Variants in DHX8 observed in about 807,000 individuals in gnomAD.
DHX8 encodes the protein ATP-dependent RNA helicase DHX8.
Under a neutral mutation model 140.7 loss-of-function variants are expected in DHX8, and 67 were observed. That is an observed-to-expected ratio of 0.48 (90% CI 0.39 to 0.58). DHX8 has a LOEUF of 0.58. Among genes scored for constraint, DHX8 ranks in the 20% least tolerant of loss-of-function variants. The pLI is 0.00. For missense variants in DHX8, 887 were observed against 1,550.7 expected, an observed-to-expected ratio of 0.57 and a Z score of 7.19; for synonymous variants, 533 against 553.2, an observed-to-expected ratio of 0.96 and a Z score of 0.51.
chr17:43,521,426 C>CTG lies in DHX8; in HGVS notation c.3124_3125insTG (p.His1042LeufsTer6). 6.2e-7 allele frequency: 1 copy of CTG among 1,613,896 alleles called. No homozygotes were observed. The highest frequency in any genetic ancestry group is 8.5e-7 in the Non-Finnish European group (1 of 1,179,978). ...CAAATTCCACCAGACTGAAGGGGAC[C>CTG]ACCTCACCCTGCTAGCTGTGTACAA... is the stretch of plus-strand genomic sequence containing the variant. On this transcript the variant is annotated frameshift_variant, in exon 21 of 23. Coordinates refer to ENST00000262415, the MANE Select transcript of DHX8 (RefSeq NM_004941.3). LOFTEE classifies it high-confidence loss of function.
intron 11 of DHX8, among the ~76,000 whole-genome samples, chr17:43,500,642 G>C (rs1029676893): frequency 6.6e-6 from 1 of 152,014 alleles, no homozygotes; most frequent in Non-Finnish European, 1.5e-5. Context: ...ATTCTAGCGC[G>C]GTGTCTCATG....
chr17:43,516,893 A>G (rs1418805698), intron 17 of DHX8, among the ~76,000 whole-genome samples: 2 of 152,064 alleles, frequency 1.3e-5, no homozygotes, highest in East Asian at 1.9e-4. Context: ...ATTGCGCCAC[A>G]CTATTTTGAA....
chr17:43,523,667 C>A lies in DHX8; in HGVS notation c.3483C>A (p.Tyr1161Ter). ...AGCTGGTGCTCACCACCAAGGAATA[C>A]ATGCGTGAAGTTACCACCATCGACC... ...YHELVLTTKE[Y>*]MREVTTIDPR... The change falls in exon 23 of 23, where the codon TAC becomes TAA. Residue 1161 changes from tyrosine to a stop codon, truncating the protein, a stop_gained. Coordinates refer to ENST00000262415, the MANE Select transcript of DHX8 (RefSeq NM_004941.3). LOFTEE classifies it high-confidence loss of function. The A allele has an allele frequency of 6.2e-7, 1 of 1,614,220 alleles. No homozygotes were observed.
At chr17:43,489,736 G>A (rs1480447478) in intron 2 of DHX8, among the ~76,000 whole-genome samples, 1 of 151,956 alleles carries the variant, frequency 6.6e-6, no homozygotes, top group Non-Finnish European at 1.5e-5. Flanking sequence ...GACTACAGGT[G>A]CCTGCCACCA....
chr17:43,522,747 C>CAAA (rs773301589), intron 22 of DHX8, among the ~76,000 whole-genome samples: 972 of 40,350 alleles, frequency 0.024, 43 homozygotes, highest in African/African-American at 0.062. Flanking sequence ...AACTCCATCT[C>CAAA]AAAAAAAAAA....
At chr17:43,542,192 A>G (rs1488884523) in intron 3 of DHX8, among the ~76,000 whole-genome samples, 2 of 152,158 alleles carry the variant, frequency 1.3e-5, no homozygotes, top group Non-Finnish European at 2.9e-5. Context: ...TGAGAATCTG[A>G]TAAAAGCTAT....
intron 16 of DHX8, among the ~76,000 whole-genome samples, chr17:43,509,791 C>T (rs1187254134): frequency 6.6e-6 from 1 of 152,120 alleles, no homozygotes; most frequent in Non-Finnish European, 1.5e-5. Flanking sequence ...GCCTCAGCCT[C>T]CCGAGTAGCT....
At chr17:43,519,860 G>A (rs1469782998) in intron 18 of DHX8, 1 of 291,940 alleles carries the variant, frequency 3.4e-6, no homozygotes. Context: ...AGAATCGCTT[G>A]AACGTAGGAG....
In DHX8 at chr17:43,484,097, A is replaced by G. The variant is rs1967970624; in HGVS notation, c.60A>G (p.Glu20=). 1 of 1,614,206 alleles carries G rather than the reference A, an allele frequency of 6.2e-7. No individual in the cohort carries two copies. The highest frequency in any genetic ancestry group is 8.5e-7 in the Non-Finnish European group (1 of 1,180,044). ...ALIGSEPGPA[E]ELAKLEYLSL... is the part of the protein sequence containing the mutation. ...TCGGGTCGGAGCCAGGCCCCGCGGA[A>G]GAACTTGCCAAACTCGAGTACCTGT... Residue 20 remains glutamate, a synonymous_variant, in exon 1 of 23, where the codon GAA becomes GAG. Transcript: ENST00000262415.
intron 9 of DHX8, among the ~76,000 whole-genome samples, chr17:43,497,789 T>C (rs1369674661): frequency 1.3e-5 from 2 of 152,016 alleles, no homozygotes; most frequent in African/African-American, 4.8e-5. Flanking sequence ...AAGAAATGTG[T>C]GTGTTTGACT....
chr17:43,501,688 T>A (rs1969206392), intron 11 of DHX8, among the ~76,000 whole-genome samples: 1 of 151,882 alleles, frequency 6.6e-6, no homozygotes, highest in Non-Finnish European at 1.5e-5. Flanking sequence ...TTCCTCCATG[T>A]TGGTCAGGCT....
rs780206777 is a variant in DHX8, at chr17:43,504,834, A to G, written c.1728+9A>G. The G allele has an allele frequency of 3.7e-6, 6 of 1,609,928 alleles. No individual in the cohort carries two copies. In the South Asian group the frequency reaches 6.6e-5, roughly 18 times the overall value. ...AGGAGCAATTGGTCCAGGTGAGAAG[A>G]CTTTTATGATGTATTGGTGGGGAGT... is the stretch of plus-strand genomic sequence containing the variant. On this transcript the variant is annotated intron_variant, in intron 12 of 22. Transcript: ENST00000262415.
At chr17:43,515,751 TG>T (rs1461014815) in intron 17 of DHX8, among the ~76,000 whole-genome samples, 1 of 152,152 alleles carries the variant, frequency 6.6e-6, no homozygotes, top group Non-Finnish European at 1.5e-5. Flanking sequence ...TGTCCTGATT[TG>T]GAGAGAGACA....
At chr17:43,525,801 A>G (rs1970592289), downstream of DHX8, 1 of 985,190 alleles carries the variant, frequency 1.0e-6, no homozygotes, top group Non-Finnish European at 1.2e-6. Context: ...AATTTTCCCC[A>G]TTCAGAAACA....
downstream of DHX8, chr17:43,526,059 C>A (rs1029004609): frequency 1.2e-5 from 12 of 985,296 alleles, no homozygotes; most frequent in Non-Finnish European, 1.2e-5. Flanking sequence ...GCTATGACAA[C>A]ATAGCTGGGT....
At chr17:43,526,778 T>C (rs1028510488), downstream of DHX8, 7 of 1,126,186 alleles carry the variant, frequency 6.2e-6, no homozygotes, top group South Asian at 7.3e-5. Flanking sequence ...AATTAAATTA[T>C]ATATTTTTAA....
intron 3 of DHX8, chr17:43,536,541 A>G (rs1813195598): frequency 6.9e-7 from 1 of 1,454,690 alleles, no homozygotes; most frequent in Non-Finnish European, 9.7e-7. Context: ...GGGAGGCTCC[A>G]TTATTACAGC....
intron 2 of DHX8, 117 bp from the exon 3 acceptor site, chr17:43,490,268 TATTCCA>T: frequency 4.4e-6 from 3 of 686,118 alleles, no homozygotes; most frequent in Non-Finnish European, 7.6e-6. Context: ...ATGTTTCATG[TATTCCA>T]ATTAGCTAAA....
At chr17:43,539,048 T>A (rs752243668) in intron 3 of DHX8, among the ~76,000 whole-genome samples, 35 of 152,234 alleles carry the variant, frequency 2.3e-4, no homozygotes, top group Non-Finnish European at 7.3e-5. Context: ...GATACCCTAT[T>A]TTCATTCTTA....
Sources: gnomAD v4.1 joint callset for allele counts (sites outside exome capture counted in the v4.1 genomes callset) on GRCh38, gnomAD v4.1.1 for gene constraint, MANE v1.5 for transcripts, NCBI Gene and HGNC (gene_info 2026-07-23, HGNC 2026-07-21) for gene names.